The following ATXN2 variants were observed in gnomAD, a reference collection of about 807,000 sequenced individuals.
The protein encoded by ATXN2 is ataxin 2, also known as ataxin-2.
Under a neutral mutation model 138.6 loss-of-function variants are expected in ATXN2, and 37 were observed. That is an observed-to-expected ratio of 0.27 (90% CI 0.21 to 0.35). The LOEUF (loss-of-function observed/expected upper bound fraction) is 0.35. ATXN2 is among the 10% of genes least tolerant of loss of function. The pLI is 1.00. For synonymous variants in ATXN2, 549 were observed against 543.7 expected (o/e 1.01, Z -0.13); for missense variants, 1,216 against 1,480.3 (o/e 0.82, Z 2.93).
chr12:111,468,322 G>A (rs1593103194), intron 20 of ATXN2: 4 of 152,222 alleles, frequency 2.6e-5, no homozygotes, highest in Admixed American at 2.0e-4. Flanking sequence ...ATTAAATTAC[G>A]GATGGGCCTC....
intron 5 of ATXN2, among the ~76,000 whole-genome samples, chr12:111,540,480 C>G (rs1881435268): frequency 6.6e-6 from 1 of 150,654 alleles, no homozygotes; most frequent in South Asian, 2.1e-4. Context: ...ATTTACCATT[C>G]AGCGCAAGCT....
At chr12:111,517,335 A>G (rs1423049954) in intron 9 of ATXN2, among the ~76,000 whole-genome samples, 1 of 152,064 alleles carries the variant, frequency 6.6e-6, no homozygotes, top group Non-Finnish European at 1.5e-5. Flanking sequence ...AAGAAATTTC[A>G]CCCCCAATAT....
chr12:111,598,728 C>G lies in ATXN2; in HGVS notation c.251+56G>C. ...ACGGGGCGGGGACGGCGGCGCGGGCCGCGGGGGAGGGGACGCCGGGCCCGG... is the reference window on the plus strand; with the variant it reads ...ACGGGGCGGGGACGGCGGCGCGGGCGGCGGGGGAGGGGACGCCGGGCCCGG... On this transcript the variant is annotated intron_variant, in intron 1 of 24. Coordinates refer to ENST00000673436, the MANE Select transcript of ATXN2 (RefSeq NM_001372574.1). The surrounding 1 kb of genome is among the most constrained non-coding windows in gnomAD (Gnocchi z 4.5). 3 of 1,075,250 alleles carry G rather than the reference C, an allele frequency of 2.8e-6. No individual in the cohort carries two copies. The highest frequency in any genetic ancestry group is 3.4e-6 in the Non-Finnish European group (3 of 873,846). The allele number at this position is 1,075,250 out of a possible 1,614,324, so 66.6% of individuals were successfully genotyped here.
At chr12:111,464,482 C>T (rs1471864360) in intron 21 of ATXN2, among the ~76,000 whole-genome samples, 180 bp downstream of exon 21, 9 of 151,924 alleles carry the variant, frequency 5.9e-5, no homozygotes, top group Non-Finnish European at 1.5e-5. Context: ...TTCATTAACT[C>T]CAGCCTTCTT....
chr12:111,575,854 C>T (rs1272513450), intron 1 of ATXN2, among the ~76,000 whole-genome samples: 7 of 152,052 alleles, frequency 4.6e-5, no homozygotes, highest in African/African-American at 1.7e-4. Flanking sequence ...GAGGCCAAGG[C>T]GGGTGGATCA....
chr12:111,483,619 A>T (rs1877427295), intron 18 of ATXN2, among the ~76,000 whole-genome samples: 1 of 151,868 alleles, frequency 6.6e-6, no homozygotes, highest in Non-Finnish European at 1.5e-5. Context: ...GGCTTCCCAG[A>T]GTGTTGGGCT....
At chr12:111,529,443 T>C (rs1235590975) in intron 5 of ATXN2, among the ~76,000 whole-genome samples, 1 of 152,104 alleles carries the variant, frequency 6.6e-6, no homozygotes, top group Non-Finnish European at 1.5e-5. Context: ...GATAAAGAAT[T>C]AGTTTTTCAA....
intron 14 of ATXN2, among the ~76,000 whole-genome samples, chr12:111,490,321 G>A (rs1877940987): frequency 6.6e-6 from 1 of 152,088 alleles, no homozygotes; most frequent in South Asian, 2.1e-4. Context: ...AGAGTACTGG[G>A]CAGATTTATA....
chr12:111,598,291 G>C lies in ATXN2; in HGVS notation c.251+493C>G. On this transcript the variant is annotated intron_variant, in intron 1 of 24. Coordinates refer to ENST00000673436, the MANE Select transcript of ATXN2 (RefSeq NM_001372574.1). The surrounding 1 kb of genome is among the most constrained non-coding windows in gnomAD (Gnocchi z 4.5). ...GTGCCTACCCCTTTAACCGGCACGG[G>C]GGACGCGGCCCTAACTTCTCCCCTC... 1.0e-6 allele frequency: 1 copy of C among 1,003,908 alleles called. No individual in the cohort carries two copies. The highest frequency in any genetic ancestry group is 4.2e-5 in the South Asian group (1 of 23,894). 62.2% of individuals were successfully genotyped at this position (1,003,908 alleles called of 1,614,324 possible).
chr12:111,475,487 CTT>C (rs538338911), intron 18 of ATXN2, among the ~76,000 whole-genome samples: 13 of 118,608 alleles, frequency 1.1e-4, no homozygotes, highest in Admixed American at 1.7e-4. Flanking sequence ...TTTTCTGTTT[CTT>C]TTTTTTTTTT....
At chr12:111,593,676 T>C (rs1884791077) in intron 1 of ATXN2, among the ~76,000 whole-genome samples, 1 of 151,584 alleles carries the variant, frequency 6.6e-6, no homozygotes, top group Non-Finnish European at 1.5e-5. Flanking sequence ...AAAAAGTTTA[T>C]TTTCTCCACA....
In ATXN2 at chr12:111,513,508, T is replaced by C; in HGVS notation, c.1407A>G (p.Arg469=). The C allele has an allele frequency of 1.2e-6, 2 of 1,613,806 alleles. No homozygotes were observed. The highest frequency in any genetic ancestry group is 1.7e-6 in the Non-Finnish European group (2 of 1,179,884). ...GPPRMSPKAQ[R]HPRNHRVSAG... ...CAGAAACTCTGTGATTTCGAGGATG[T>C]CGCTGGGCCTTTGGGGACATCCTTG... Residue 469 remains arginine (R), a synonymous_variant, in exon 11 of 25, where the codon CGA becomes CGG. Coordinates refer to ENST00000673436, the MANE Select transcript of ATXN2 (RefSeq NM_001372574.1).
At position 111,456,038 on chromosome 12, in the gene ATXN2, G is replaced by A. The variant is rs1244497847; in HGVS notation, c.3261C>T (p.His1087=). Residue 1087 remains histidine (H), a synonymous_variant, in exon 23 of 25, where the codon CAC becomes CAT. Transcript: ENST00000673436. Reference sequence around the variant, plus strand: ...CTAAAGCTGGTATTACCTGAGGTACGTGGGCCATGTGGGGTGGGTTGGTAT... The same window carrying A: ...CTAAAGCTGGTATTACCTGAGGTACATGGGCCATGTGGGGTGGGTTGGTAT... ...PAYTNPPHMA[H]VPQAHVQSGM... is the part of the protein sequence containing the mutation. 12 of 1,614,008 alleles carry A rather than the reference G, an allele frequency of 7.4e-6. No homozygotes were observed. The highest frequency in any genetic ancestry group is 4.0e-5 in the African/African-American group (3 of 74,926).
At chr12:111,497,564 C>T (rs866669047) in intron 14 of ATXN2, among the ~76,000 whole-genome samples, 7 of 151,570 alleles carry the variant, frequency 4.6e-5, no homozygotes, top group South Asian at 2.1e-4. Context: ...AAGGATGGTT[C>T]GACATACGCA....
At chr12:111,532,051 A>G (rs1880866697) in intron 5 of ATXN2, among the ~76,000 whole-genome samples, 1 of 152,204 alleles carries the variant, frequency 6.6e-6, no homozygotes, top group African/African-American at 2.4e-5. Flanking sequence ...GAGGTGATGA[A>G]CATACATAAT....
At chr12:111,566,579 G>A (rs900976072) in intron 1 of ATXN2, among the ~76,000 whole-genome samples, 3 of 151,448 alleles carry the variant, frequency 2.0e-5, no homozygotes, top group Admixed American at 6.6e-5. Flanking sequence ...TGCCATCCAT[G>A]AGCATGGGAG....
chr12:111,464,370 T>TA (rs3087042), intron 21 of ATXN2, among the ~76,000 whole-genome samples: 6 of 150,760 alleles, frequency 4.0e-5, no homozygotes, highest in African/African-American at 1.5e-4. Flanking sequence ...TGTGTGTGTG[T>TA]ATAAAGCTGT....
intron 1 of ATXN2, among the ~76,000 whole-genome samples, chr12:111,572,340 G>A (rs1292226847): frequency 6.6e-6 from 1 of 151,926 alleles, no homozygotes; most frequent in Non-Finnish European, 1.5e-5. Flanking sequence ...GGCAGAGGTT[G>A]CAGTGAGCCA....
upstream of ATXN2, chr12:111,599,602 A>G: frequency 9.2e-7 from 1 of 1,087,186 alleles, no homozygotes; most frequent in Non-Finnish European, 1.1e-6. Context: ...AGACGGAAGC[A>G]GAACGTGAGG....
Sources: gnomAD v4.1 joint callset for allele counts (sites outside exome capture counted in the v4.1 genomes callset) on GRCh38, gnomAD v4.1.1 for gene constraint, Gnocchi (gnomAD v3.1) non-coding constraint, MANE v1.5 for transcripts, NCBI Gene and HGNC (gene_info 2026-07-23, HGNC 2026-07-21) for gene names.